Variants in SYT9 observed in about 807,000 individuals in gnomAD.
The protein encoded by SYT9 is synaptotagmin 9.
In SYT9, 22 loss-of-function variants were observed where a neutral mutation model predicts 48.4. The ratio of observed to expected loss-of-function variants is 0.45; its 90% CI spans 0.32 to 0.65. The LOEUF (loss-of-function observed/expected upper bound fraction) is 0.65. SYT9 is among the 30% of genes least tolerant of loss of function. SYT9 has a pLI of 0.03. For synonymous variants in SYT9, 265 were observed against 245.0 expected (o/e 1.08, Z -0.76); for missense variants, 577 against 622.0 (o/e 0.93, Z 0.77).
chr11:7,309,932 G>T (rs1350446625), intron 2 of SYT9, among the ~76,000 whole-genome samples: 1 of 152,186 alleles, frequency 6.6e-6, no homozygotes, highest in Admixed American at 6.5e-5. Context: ...AGCCCCAGGA[G>T]TGAGAACCTG....
intron 3 of SYT9, among the ~76,000 whole-genome samples, chr11:7,393,692 T>A (rs1323096340): frequency 6.6e-6 from 1 of 152,160 alleles, no homozygotes; most frequent in African/African-American, 2.4e-5. Context: ...ATGCCTGATA[T>A]AATTCAGCTG....
At chr11:7,454,940 G>A (rs959826843) in intron 6 of SYT9, among the ~76,000 whole-genome samples, 7 of 152,178 alleles carry the variant, frequency 4.6e-5, no homozygotes, top group Non-Finnish European at 2.9e-5. Flanking sequence ...GATACATGCC[G>A]TGGCCTACTA....
chr11:7,367,845 T>C (rs1850281963), intron 3 of SYT9, among the ~76,000 whole-genome samples: 1 of 152,208 alleles, frequency 6.6e-6, no homozygotes, highest in African/African-American at 2.4e-5. Context: ...ACTGCCTATA[T>C]TAACAATAAC....
chr11:7,378,205 G>A (rs1203472786), intron 3 of SYT9, among the ~76,000 whole-genome samples: 1 of 152,076 alleles, frequency 6.6e-6, no homozygotes. Context: ...GAAGGTTTGC[G>A]ATGAGTCAGA....
intron 3 of SYT9, among the ~76,000 whole-genome samples, chr11:7,335,747 G>T (rs376577785): frequency 2.0e-5 from 3 of 151,916 alleles, no homozygotes; most frequent in Non-Finnish European, 1.5e-5. Flanking sequence ...CCAATCTGCC[G>T]TTGATGGGCA....
intron 6 of SYT9, among the ~76,000 whole-genome samples, chr11:7,434,114 G>A (rs751890391): frequency 7.2e-5 from 11 of 152,170 alleles, no homozygotes; most frequent in Non-Finnish European, 1.2e-4. Flanking sequence ...TCCATACACA[G>A]CAGGACAGTC....
intron 3 of SYT9, among the ~76,000 whole-genome samples, chr11:7,376,850 G>A (rs1303126217): frequency 6.6e-6 from 1 of 151,776 alleles, no homozygotes; most frequent in Non-Finnish European, 1.5e-5. Context: ...CTTCCAGACT[G>A]ATTTTTGACA....
chr11:7,241,244 A>G (rs1035831109), intron 1 of SYT9, among the ~76,000 whole-genome samples: 1 of 146,520 alleles, frequency 6.8e-6, no homozygotes, highest in African/African-American at 2.7e-5. Context: ...ACACGCACAC[A>G]CTCACCCCCC....
intron 1 of SYT9, among the ~76,000 whole-genome samples, chr11:7,282,418 A>C (rs760992962): frequency 3.9e-5 from 6 of 152,106 alleles, no homozygotes; most frequent in Non-Finnish European, 7.4e-5. Context: ...GCTCAGGGCA[A>C]AAAAAATGGA....
intron 3 of SYT9, among the ~76,000 whole-genome samples, chr11:7,397,479 T>A (rs7930729): frequency 0.15 from 23,018 of 152,118 alleles, 2,411 homozygotes; most frequent in African/African-American, 0.3. Context: ...TTTTTTGCTT[T>A]TTCAAAATAA....
chr11:7,342,054 A>G (rs1211436176), intron 3 of SYT9, among the ~76,000 whole-genome samples: 1 of 152,100 alleles, frequency 6.6e-6, no homozygotes, highest in African/African-American at 2.4e-5. Flanking sequence ...AACTGCCCCC[A>G]TGATTCAATT....
At chr11:7,291,634 A>T (rs1160175520) in intron 1 of SYT9, among the ~76,000 whole-genome samples, 1 of 151,880 alleles carries the variant, frequency 6.6e-6, no homozygotes, top group East Asian at 1.9e-4. Flanking sequence ...GTCTGCACCC[A>T]ATCTCCAAGT....
intron 6 of SYT9, among the ~76,000 whole-genome samples, chr11:7,442,212 G>A (rs12271195): frequency 0.1 from 15,146 of 152,080 alleles, 872 homozygotes; most frequent in Non-Finnish European, 0.13. Context: ...GAAAATGGCT[G>A]AGGGGAGGAG....
chr11:7,408,332 T>C (rs1280456917), intron 3 of SYT9, among the ~76,000 whole-genome samples: 3 of 152,206 alleles, frequency 2.0e-5, no homozygotes, highest in African/African-American at 7.2e-5. Flanking sequence ...TTCTCTATGT[T>C]GGTCAGGCTG....
chr11:7,391,754 A>AAAAAAAAAAAAAC, intron 3 of SYT9, among the ~76,000 whole-genome samples: 1 of 147,570 alleles, frequency 6.8e-6, no homozygotes, highest in Non-Finnish European at 1.5e-5. Context: ...AAAAAAAAAA[A>AAAAAAAAAAAAAC]AAAAAAAAAA....
chr11:7,278,133 A>C (rs554880086), intron 1 of SYT9, among the ~76,000 whole-genome samples: 1 of 152,214 alleles, frequency 6.6e-6, no homozygotes, highest in Non-Finnish European at 1.5e-5. Context: ...TCTACATCTA[A>C]TTGCCCTGGG....
chr11:7,348,580 G>C (rs1178106638), intron 3 of SYT9, among the ~76,000 whole-genome samples: 2 of 148,504 alleles, frequency 1.3e-5, no homozygotes, highest in African/African-American at 4.9e-5. Flanking sequence ...TTTAATACCA[G>C]ATTTTACTGC....
At chr11:7,312,696 T>G (rs1589936314) in intron 2 of SYT9, among the ~76,000 whole-genome samples, 1 of 152,238 alleles carries the variant, frequency 6.6e-6, no homozygotes, top group African/African-American at 2.4e-5. Flanking sequence ...GTAGCTCATC[T>G]TTAATTTTTG....
intron 3 of SYT9, among the ~76,000 whole-genome samples, chr11:7,316,830 G>T (rs1424564068): frequency 6.6e-6 from 1 of 152,234 alleles, no homozygotes; most frequent in African/African-American, 2.4e-5. Flanking sequence ...GTGTGTGCAT[G>T]TATGCAAAAT....
Sources: gnomAD v4.1 joint callset for allele counts (sites outside exome capture counted in the v4.1 genomes callset) on GRCh38, gnomAD v4.1.1 for gene constraint, MANE v1.5 for transcripts, NCBI Gene and HGNC (gene_info 2026-07-23, HGNC 2026-07-21) for gene names.